TRHDE: variants seen among roughly 807,000 people sequenced by gnomAD.
TRHDE encodes thyrotropin releasing hormone degrading enzyme.
Under a neutral mutation model 125.7 loss-of-function variants are expected in TRHDE, and 72 were observed. That is an observed-to-expected ratio of 0.57 (90% CI 0.47 to 0.70). TRHDE has a LOEUF of 0.70. Ranked by LOEUF, TRHDE falls within the 30% of genes least tolerant of loss-of-function variation. The pLI is 0.00. For missense variants in TRHDE, 1,110 were observed against 1,327.1 expected (o/e 0.84, Z 2.54); for synonymous variants, 509 against 509.1 (o/e 1.00, Z 0.00).
chr12:72,374,821 A>G (rs1871799557), intron 2 of TRHDE, among the ~76,000 whole-genome samples: 1 of 152,102 alleles, frequency 6.6e-6, no homozygotes, highest in African/African-American at 2.4e-5. Context: ...CCTTGTTGAA[A>G]TGAGTTCAAG....
At chr12:72,433,498 C>G (rs577147452) in intron 3 of TRHDE, among the ~76,000 whole-genome samples, 25 of 151,856 alleles carry the variant, frequency 1.6e-4, no homozygotes, top group Non-Finnish European at 2.9e-4. Context: ...CTTGCCTCCC[C>G]GAGCATGGAG....
intron 1 of TRHDE, among the ~76,000 whole-genome samples, chr12:72,097,424 A>G (rs1874952796): frequency 1.6e-5 from 1 of 62,432 alleles, no homozygotes; most frequent in African/African-American, 4.1e-5. Flanking sequence ...ACCTTGCAGT[A>G]GCATTTTCTC....
chr12:72,467,424 C>CT (rs1232567892), intron 3 of TRHDE, among the ~76,000 whole-genome samples: 1 of 152,254 alleles, frequency 6.6e-6, no homozygotes, highest in African/African-American at 2.4e-5. Context: ...TCATATTTCC[C>CT]TTTTTTTCGT....
chr12:72,383,900 T>C (rs1872301772), intron 3 of TRHDE, among the ~76,000 whole-genome samples: 1 of 152,136 alleles, frequency 6.6e-6, no homozygotes, highest in Non-Finnish European at 1.5e-5. Context: ...GATCAAAATA[T>C]AGCTTGCCTT....
chr12:72,565,035 AAT>A lies in TRHDE; in HGVS notation c.2042+1996_2042+1997del, dbSNP rs566273856. 6.7e-3 allele frequency among the ~76,000 whole-genome samples: 902 copies of A among 134,840 alleles called. 4 individuals are homozygous for A. Among genetic ancestry groups the A allele is most frequent in the African/African-American group, 0.029 (857 of 29,242 alleles). The allele number at this position is 134,840 out of a possible 152,430, so 88.5% of individuals were successfully genotyped here. On this transcript the variant is annotated intron_variant, in intron 9 of 18. Transcript: ENST00000261180. ...TGCAGGACATCCTATTAGTCTCAAA[AAT>A]GACTGACTTTCTATTCATTTTGCAA...
At chr12:72,270,918 G>T (rs1349054443), upstream of TRHDE, among the ~76,000 whole-genome samples, 1 of 152,226 alleles carries the variant, frequency 6.6e-6, no homozygotes, top group Non-Finnish European at 1.5e-5. Context: ...CAGCAAACTG[G>T]TCTATTGATA....
At chr12:72,621,421 A>G (rs1173773742) in intron 14 of TRHDE, 1 of 579,686 alleles carries the variant, frequency 1.7e-6, no homozygotes, top group Non-Finnish European at 3.0e-6. Context: ...TTTAAGATCT[A>G]CCTTTATTGG....
intron 5 of TRHDE, among the ~76,000 whole-genome samples, chr12:72,495,000 G>A (rs1877842635): frequency 7.0e-6 from 1 of 143,024 alleles, no homozygotes; most frequent in Admixed American, 7.0e-5. Context: ...ATTTTTTTTA[G>A]CATATCCTCC....
At chr12:72,453,268 T>G (rs1180436417) in intron 3 of TRHDE, among the ~76,000 whole-genome samples, 1 of 152,206 alleles carries the variant, frequency 6.6e-6, no homozygotes, top group Non-Finnish European at 1.5e-5. Context: ...GTCACTTATG[T>G]TTTGCCTAAG....
chr12:72,544,251 G>C (rs1418193518), intron 7 of TRHDE, among the ~76,000 whole-genome samples: 1 of 151,398 alleles, frequency 6.6e-6, no homozygotes, highest in African/African-American at 2.4e-5. Flanking sequence ...GAAGATGTAT[G>C]GGATACATTT....
intron 2 of TRHDE, among the ~76,000 whole-genome samples, chr12:72,356,895 T>C (rs961970469): frequency 6.6e-6 from 1 of 151,488 alleles, no homozygotes; most frequent in Non-Finnish European, 1.5e-5. Flanking sequence ...TTTTGTTAGG[T>C]TGATAATGAC....
chr12:72,651,951 A>G (rs760983738), intron 15 of TRHDE, among the ~76,000 whole-genome samples: 41 of 152,072 alleles, frequency 2.7e-4, no homozygotes, highest in East Asian at 3.9e-4. Context: ...CTTTCTTGAC[A>G]TTCTTGGGTC....
At chr12:72,640,833 T>G (rs960640571) in intron 15 of TRHDE, among the ~76,000 whole-genome samples, 1 of 152,192 alleles carries the variant, frequency 6.6e-6, no homozygotes, top group African/African-American at 2.4e-5. Context: ...TCAAATGAAT[T>G]AATTAATTAT....
intron 3 of TRHDE, among the ~76,000 whole-genome samples, chr12:72,449,447 A>T (rs1352111312): frequency 6.6e-6 from 1 of 151,924 alleles, no homozygotes; most frequent in East Asian, 1.9e-4. Flanking sequence ...TTTTTCTGGC[A>T]TTGTGTACAC....
intron 2 of TRHDE, among the ~76,000 whole-genome samples, chr12:72,159,051 A>G (rs1298169976): frequency 6.6e-6 from 1 of 152,172 alleles, no homozygotes; most frequent in African/African-American, 2.4e-5. Flanking sequence ...ATTCTGTTTG[A>G]TCTGTCAGTC....
At chr12:72,332,566 T>C (rs1411383434) in intron 2 of TRHDE, among the ~76,000 whole-genome samples, 5 of 152,174 alleles carry the variant, frequency 3.3e-5, no homozygotes, top group African/African-American at 1.2e-4. Context: ...GCCTCCAACA[T>C]TGGCAATCAC....
At chr12:72,654,316 T>C (rs2136111561) in intron 17 of TRHDE, among the ~76,000 whole-genome samples, 1 of 152,260 alleles carries the variant, frequency 6.6e-6, no homozygotes, top group African/African-American at 2.4e-5. Flanking sequence ...ATCCATGATC[T>C]CCATCCTATC....
At chr12:72,386,351 C>T (rs1872414696) in intron 3 of TRHDE, among the ~76,000 whole-genome samples, 1 of 152,124 alleles carries the variant, frequency 6.6e-6, no homozygotes, top group Admixed American at 6.5e-5. Flanking sequence ...TTGCATTAGC[C>T]TTTTTCCTTA....
intron 2 of TRHDE, among the ~76,000 whole-genome samples, chr12:72,185,429 G>A (rs1226153017): frequency 1.3e-5 from 2 of 152,242 alleles, no homozygotes; most frequent in Non-Finnish European, 2.9e-5. Flanking sequence ...TGAGGAATGC[G>A]AGCGCACGGC....
Sources: gnomAD v4.1 joint callset for allele counts (sites outside exome capture counted in the v4.1 genomes callset) on GRCh38, gnomAD v4.1.1 for gene constraint, MANE v1.5 for transcripts, NCBI Gene and HGNC (gene_info 2026-07-23, HGNC 2026-07-21) for gene names.